SWT1: variants seen among roughly 807,000 people sequenced by gnomAD.
SWT1 encodes SWT1 RNA endoribonuclease homolog, also known as transcriptional protein SWT1.
SWT1 carries 33 observed loss-of-function variants against 107.3 expected under a neutral mutation model. That is an observed-to-expected ratio of 0.31 (90% CI 0.23 to 0.41). The LOEUF (loss-of-function observed/expected upper bound fraction) is 0.41, where lower values mean the gene tolerates loss of function less well. SWT1 is among the 10% of genes least tolerant of loss of function. The pLI, the probability that SWT1 is intolerant of heterozygous loss-of-function variation, is 1.00. For missense variants in SWT1, 898 were observed against 1,028.9 expected, an observed-to-expected ratio of 0.87 and a Z score of 1.74; for synonymous variants, 345 against 348.3, an observed-to-expected ratio of 0.99 and a Z score of 0.11.
At chr1:185,176,511 TA>T in intron 5 of SWT1, 1 of 945,658 alleles carries the variant, frequency 1.1e-6, no homozygotes, top group East Asian at 1.2e-4. Flanking sequence ...AATTGCCATT[TA>T]TGGACTACTT....
intron 2 of SWT1, among the ~76,000 whole-genome samples, chr1:185,165,236 A>G (rs1350176134): frequency 6.6e-6 from 1 of 152,226 alleles, no homozygotes; most frequent in Non-Finnish European, 1.5e-5. Context: ...AACATTAAAG[A>G]TCATTGATCA....
rs751891480 is a variant in SWT1, at chr1:185,231,590, C to A, written c.2323C>A (p.Gln775Lys). ...TIYQNSTDVFQRLGSNSALTT... is the reference protein window; with the variant it reads ...TIYQNSTDVFKRLGSNSALTT... ...TCTCTATTTTAGCACGGATGTATTTCAAAGATTGGGCTCAAATTCAGCTCT... is the reference window on the plus strand; with the variant it reads ...TCTCTATTTTAGCACGGATGTATTTAAAAGATTGGGCTCAAATTCAGCTCT... The change falls in exon 16 of 19, where the codon CAA (glutamine) becomes AAA (lysine). Residue 775 changes from glutamine to lysine, a missense_variant. Around this residue, in one of 6 missense-constraint regions of SWT1, gnomAD observed 382 missense variants for 460.0 expected, o/e 0.83. Coordinates refer to ENST00000367500, the MANE Select transcript of SWT1 (RefSeq NM_017673.7). 1 of 1,607,582 alleles carries A rather than the reference C, an allele frequency of 6.2e-7. No individual in the cohort carries two copies.
chr1:185,205,391 G>A (rs1340392603), intron 12 of SWT1, among the ~76,000 whole-genome samples: 3 of 152,000 alleles, frequency 2.0e-5, no homozygotes, highest in South Asian at 2.1e-4. Context: ...GTTTTGAGAC[G>A]GTGTCTCGCT....
intron 5 of SWT1, among the ~76,000 whole-genome samples, chr1:185,179,806 T>C (rs1456554542): frequency 1.3e-5 from 2 of 152,248 alleles, no homozygotes; most frequent in Non-Finnish European, 2.9e-5. Context: ...ATGGAGCTTC[T>C]CTATTCTAGG....
intron 16 of SWT1, chr1:185,257,874 CT>C (rs1371473043): frequency 6.6e-6 from 1 of 152,124 alleles, no homozygotes; most frequent in Non-Finnish European, 1.5e-5. Context: ...TTTAAAAAAT[CT>C]TTCCTCTTGT....
intron 2 of SWT1, among the ~76,000 whole-genome samples, chr1:185,165,133 G>A (rs76986634): frequency 0.011 from 1,646 of 152,258 alleles, 32 homozygotes; most frequent in African/African-American, 0.037. Context: ...TGGCGAATGG[G>A]TGATTGGTGA....
rs574495485 is a variant in SWT1 at position 185,282,235 on chromosome 1, CTT to C, written c.2573+5570_2573+5571del. On this transcript the variant is annotated intron_variant, in intron 18 of 18. Coordinates refer to ENST00000367500, the MANE Select transcript of SWT1 (RefSeq NM_017673.7). ...TCCACCCATTCTCTGCCTTTTAACA[CTT>C]TTGAGTTCTGACCCTTTTGAACTCT... Among the ~76,000 whole-genome samples the C allele has an allele frequency of 7.2e-4, 110 of 152,266 alleles. No homozygotes were observed. In the Middle Eastern group the frequency reaches 0.01, roughly 14 times the overall value.
intron 14 of SWT1, among the ~76,000 whole-genome samples, chr1:185,217,615 C>G (rs550060191): frequency 6.6e-6 from 1 of 151,806 alleles, no homozygotes; most frequent in Admixed American, 6.6e-5. Flanking sequence ...CTCCCTTCCT[C>G]TCTAGAGTTC....
At position 185,204,708 on chromosome 1, in the gene SWT1, C is replaced by A. The variant is rs771699371; in HGVS notation, c.1678C>A (p.Pro560Thr). 1.3e-6 allele frequency: 2 copies of A among 1,571,044 alleles called. No individual in the cohort carries two copies. The highest frequency in any genetic ancestry group is 2.0e-5 in the Admixed American group (1 of 50,682). ...AACTATTTGTTTTAAAGAAACAACA[C>A]CCTTGAAAGAGAGCTATAAGGAGGA... is the stretch of plus-strand genomic sequence containing the variant. ...PKQQLKAETTPLKESYKEEST... is the reference protein window; with the variant it reads ...PKQQLKAETTTLKESYKEEST... The change falls in exon 12 of 19, where the codon CCC becomes ACC. Residue 560 changes from proline (P) to threonine (T), a missense_variant. Coordinates refer to ENST00000367500, the MANE Select transcript of SWT1 (RefSeq NM_017673.7).
chr1:185,173,530 CAAAA>C (rs869052260), intron 4 of SWT1, among the ~76,000 whole-genome samples: 6 of 96,558 alleles, frequency 6.2e-5, no homozygotes, highest in Non-Finnish European at 6.3e-5. Context: ...CTGTCTCTAC[CAAAA>C]AAAAAAAAAA....
chr1:185,236,665 A>C (rs530073543), intron 16 of SWT1, among the ~76,000 whole-genome samples: 15 of 152,318 alleles, frequency 9.8e-5, no homozygotes, highest in African/African-American at 3.4e-4. Context: ...ATGGGCAAAG[A>C]CTTCATGATT....
At chr1:185,266,330 C>T (rs1663388839) in intron 16 of SWT1, among the ~76,000 whole-genome samples, 1 of 152,220 alleles carries the variant, frequency 6.6e-6, no homozygotes, top group Non-Finnish European at 1.5e-5. Flanking sequence ...TCCCAAAGTG[C>T]TGGGATTACA....
At chr1:185,196,975 A>T (rs530313721) in intron 10 of SWT1, among the ~76,000 whole-genome samples, 1 of 152,228 alleles carries the variant, frequency 6.6e-6, no homozygotes, top group East Asian at 1.9e-4. Flanking sequence ...CCTGGCCAGA[A>T]CTTCCCGTAC....
intron 17 of SWT1, among the ~76,000 whole-genome samples, chr1:185,275,918 T>A (rs939949686): frequency 6.6e-6 from 1 of 152,186 alleles, no homozygotes; most frequent in Non-Finnish European, 1.5e-5. Flanking sequence ...TAGAAATGTT[T>A]TTTAAGTAAA....
chr1:185,257,864 T>C (rs1662723265), intron 16 of SWT1: 2 of 152,250 alleles, frequency 1.3e-5, no homozygotes, highest in South Asian at 2.1e-4. Context: ...ATTTCTATCA[T>C]TTAAAAAATC....
At chr1:185,261,455 T>A (rs1380422752) in intron 16 of SWT1, among the ~76,000 whole-genome samples, 2 of 152,210 alleles carry the variant, frequency 1.3e-5, no homozygotes, top group Non-Finnish European at 2.9e-5. Context: ...ATAATGCTGC[T>A]ATGAACATGG....
At chr1:185,246,521 C>A (rs1029309193) in intron 16 of SWT1, among the ~76,000 whole-genome samples, 1 of 152,002 alleles carries the variant, frequency 6.6e-6, no homozygotes, top group Non-Finnish European at 1.5e-5. Flanking sequence ...AAGCTATCCA[C>A]CCTCCTCAGT....
At chr1:185,264,961 A>G (rs866425283) in intron 16 of SWT1, among the ~76,000 whole-genome samples, 2 of 152,288 alleles carry the variant, frequency 1.3e-5, no homozygotes, top group Middle Eastern at 3.4e-3. Context: ...TCAAAATGAT[A>G]TTTTCCTACT....
At chr1:185,207,163 T>C (rs1658399786) in intron 13 of SWT1, among the ~76,000 whole-genome samples, 1 of 152,250 alleles carries the variant, frequency 6.6e-6, no homozygotes, top group Non-Finnish European at 1.5e-5. Context: ...GCACATTTCA[T>C]GTACTAATTT....
Sources: allele counts gnomAD v4.1 joint callset (sites outside exome capture counted in the v4.1 genomes callset), GRCh38; gene constraint gnomAD v4.1.1; regional missense constraint gnomAD v4.1.1; transcripts MANE v1.5; gene names NCBI Gene and HGNC (gene_info 2026-07-23, HGNC 2026-07-21).